The following WWOX variants were observed in gnomAD, a reference collection of about 807,000 sequenced individuals.
WWOX encodes the protein WW domain-containing oxidoreductase.
A neutral mutation model predicts 46.2 loss-of-function variants in WWOX; 69 were observed. The ratio of observed to expected loss-of-function variants is 1.49; its 90% confidence interval spans 1.23 to 1.82. The LOEUF (loss-of-function observed/expected upper bound fraction) is 1.82. Ranked by LOEUF, WWOX falls within the 40% of genes most tolerant of loss-of-function variation. The pLI is 0.00. For missense variants in WWOX, 919 were observed against 542.6 expected (o/e 1.69, Z -6.89); for synonymous variants, 359 against 202.6 (o/e 1.77, Z -6.56).
intron 5 of WWOX, among the ~76,000 whole-genome samples, chr16:78,372,410 C>T (rs1474190566): frequency 1.3e-5 from 2 of 152,184 alleles, no homozygotes; most frequent in Non-Finnish European, 2.9e-5. Flanking sequence ...GACAGAATAT[C>T]AGTAGCAAAA....
At chr16:78,913,414 C>G (rs1022570160) in intron 8 of WWOX, among the ~76,000 whole-genome samples, 1 of 151,880 alleles carries the variant, frequency 6.6e-6, no homozygotes, top group African/African-American at 2.4e-5. Context: ...TCAACCTGAC[C>G]TGTAAAAACC....
intron 8 of WWOX, among the ~76,000 whole-genome samples, chr16:78,989,821 C>CGTGTGTTTGTGTGTGTGTGT (rs34409137): frequency 7.3e-6 from 1 of 136,402 alleles, no homozygotes; most frequent in Non-Finnish European, 1.6e-5. Context: ...GGTGTGTGAG[C>CGTGTGTTTGTGTGTGTGTGT]GTGTGTGTGT....
At chr16:78,399,483 A>T (rs955211878) in intron 6 of WWOX, among the ~76,000 whole-genome samples, 3 of 152,130 alleles carry the variant, frequency 2.0e-5, no homozygotes, top group Admixed American at 1.3e-4. Flanking sequence ...GTGGACATGG[A>T]TCATGGGACT....
At chr16:78,642,691 C>G (rs916021562) in intron 8 of WWOX, among the ~76,000 whole-genome samples, 2 of 152,080 alleles carry the variant, frequency 1.3e-5, no homozygotes, top group Non-Finnish European at 2.9e-5. Flanking sequence ...CAGTTCCCAC[C>G]TCGACCGCTA....
At chr16:78,736,537 T>C (rs2049095955) in intron 8 of WWOX, among the ~76,000 whole-genome samples, 2 of 152,148 alleles carry the variant, frequency 1.3e-5, no homozygotes, top group East Asian at 3.9e-4. Context: ...TGAGTATCCA[T>C]GGCACACAAT....
chr16:78,609,443 C>A (rs74029590), intron 8 of WWOX, among the ~76,000 whole-genome samples: 1 of 150,452 alleles, frequency 6.6e-6, no homozygotes, highest in Admixed American at 6.6e-5. Flanking sequence ...GTCCTATTTT[C>A]TAAGTAAAAG....
intron 8 of WWOX, among the ~76,000 whole-genome samples, chr16:78,527,642 C>G (rs545930471): frequency 6.6e-6 from 1 of 152,244 alleles, no homozygotes; most frequent in East Asian, 1.9e-4. Flanking sequence ...ATGTATGTGT[C>G]AGTCCTACTA....
chr16:79,143,761 G>A (rs986357097), intron 8 of WWOX, among the ~76,000 whole-genome samples: 2 of 152,090 alleles, frequency 1.3e-5, no homozygotes, highest in African/African-American at 4.8e-5. Flanking sequence ...ATGGGAAACT[G>A]GGGCACAGAG....
chr16:78,950,012 T>A (rs1597194074), intron 8 of WWOX, among the ~76,000 whole-genome samples: 1 of 152,238 alleles, frequency 6.6e-6, no homozygotes, highest in East Asian at 1.9e-4. Flanking sequence ...GGACTGAGGC[T>A]TGTAGACTTT....
At chr16:78,418,899 C>T (rs1330132927) in intron 6 of WWOX, among the ~76,000 whole-genome samples, 3 of 151,840 alleles carry the variant, frequency 2.0e-5, no homozygotes, top group Non-Finnish European at 4.4e-5. Flanking sequence ...CAAGGATATT[C>T]ACTCTCATCA....
chr16:78,744,036 G>A (rs1219332031), intron 8 of WWOX, among the ~76,000 whole-genome samples: 2 of 152,000 alleles, frequency 1.3e-5, no homozygotes, highest in Admixed American at 1.3e-4. Flanking sequence ...TATTCAAAAC[G>A]CCAAGAACCT....
At chr16:79,171,624 G>C (rs545252631) in intron 8 of WWOX, among the ~76,000 whole-genome samples, 8 of 152,308 alleles carry the variant, frequency 5.3e-5, no homozygotes, top group African/African-American at 1.9e-4. Flanking sequence ...TCAGTGTTGA[G>C]TCCAGCCACC....
At chr16:78,996,442 A>G in intron 8 of WWOX, 3 of 585,338 alleles carry the variant, frequency 5.1e-6, no homozygotes, top group Non-Finnish European at 6.4e-6. Context: ...ATGGAGGCAT[A>G]TTCAAAGTGC....
intron 5 of WWOX, among the ~76,000 whole-genome samples, chr16:78,385,021 C>G (rs1027597242): frequency 1.3e-5 from 2 of 152,088 alleles, no homozygotes; most frequent in African/African-American, 2.4e-5. Context: ...GTAGTCCCAG[C>G]TAGTCGGGAG....
intron 8 of WWOX, among the ~76,000 whole-genome samples, chr16:79,094,991 G>A (rs965431671): frequency 1.3e-5 from 2 of 152,092 alleles, no homozygotes; most frequent in African/African-American, 4.8e-5. Context: ...CAGGAGGGGC[G>A]ACATGGTTCT....
At chr16:78,553,571 C>G (rs563724876) in intron 8 of WWOX, among the ~76,000 whole-genome samples, 1 of 152,078 alleles carries the variant, frequency 6.6e-6, no homozygotes, top group African/African-American at 2.4e-5. Flanking sequence ...CGCTAGAGCC[C>G]TGTAAAGAAA....
intron 8 of WWOX, among the ~76,000 whole-genome samples, chr16:78,755,294 T>G (rs917740325): frequency 1.3e-5 from 2 of 152,050 alleles, no homozygotes; most frequent in African/African-American, 4.8e-5. Flanking sequence ...TTGAAGGATT[T>G]AATTCCAGGA....
rs1352507835 is a variant in WWOX, at chr16:78,243,620, CACTGCA to C, written c.516+79334_516+79339del. Reference sequence around the variant, plus strand: ...GGAATGCAGTGGCACCATCTTGGCTCACTGCAACCTCCACCTCCTGGGTTCAAGCGA... The same window carrying C: ...GGAATGCAGTGGCACCATCTTGGCTCACCTCCACCTCCTGGGTTCAAGCGA... On this transcript the variant is annotated intron_variant, in intron 5 of 8. Coordinates refer to ENST00000566780, the MANE Select transcript of WWOX (RefSeq NM_016373.4). Among the ~76,000 whole-genome samples the C allele has an allele frequency of 2.0e-5, 3 of 152,280 alleles. No homozygotes were observed. In the East Asian group the frequency reaches 5.8e-4, roughly 30 times the overall value.
rs138499282 is a variant in WWOX at position 78,838,421 on chromosome 16, T to G, written c.1057-373187T>G. Among the ~76,000 whole-genome samples, 665 of 152,296 alleles carry G rather than the reference T, an allele frequency of 4.4e-3. 5 individuals are homozygous for G. Among genetic ancestry groups the G allele is most frequent in the African/African-American group, 0.015 (625 of 41,562 alleles). ...ATCTTAAAATGTTGAGACTTACACG[T>G]ATACACAATAAGAATATTTTCTTTG... is the stretch of plus-strand genomic sequence containing the variant. On this transcript the variant is annotated intron_variant, in intron 8 of 8. Coordinates refer to ENST00000566780, the MANE Select transcript of WWOX (RefSeq NM_016373.4).
Sources: gnomAD v4.1 joint callset for allele counts (sites outside exome capture counted in the v4.1 genomes callset) on GRCh38, gnomAD v4.1.1 for gene constraint, MANE v1.5 for transcripts, NCBI Gene and HGNC (gene_info 2026-07-23, HGNC 2026-07-21) for gene names.